DLG2: variants seen among roughly 807,000 people sequenced by gnomAD.
DLG2 encodes discs large MAGUK scaffold protein 2.
In DLG2, 45 loss-of-function variants were observed where a neutral mutation model predicts 132.5. The ratio of observed to expected loss-of-function variants is 0.34; its 90% CI spans 0.27 to 0.44. The LOEUF is 0.44. DLG2 is among the 20% of genes least tolerant of loss of function. The pLI is 1.00. For synonymous variants in DLG2, 424 were observed against 419.6 expected (o/e 1.01, Z -0.13); for missense variants, 1,045 against 1,196.9 (o/e 0.87, Z 1.87).
intron 6 of DLG2, among the ~76,000 whole-genome samples, chr11:84,737,096 G>T (rs978067013): frequency 6.6e-6 from 1 of 151,790 alleles, no homozygotes; most frequent in African/African-American, 2.4e-5. Flanking sequence ...GTTAGGAATA[G>T]ATATTGATTT....
intron 6 of DLG2, among the ~76,000 whole-genome samples, chr11:84,861,359 C>T (rs1451499610): frequency 6.6e-6 from 1 of 152,028 alleles, no homozygotes; most frequent in Non-Finnish European, 1.5e-5. Context: ...CAGATCCAAC[C>T]TCTGCCTCCA....
At chr11:83,516,983 A>T (rs1044150827) in intron 21 of DLG2, among the ~76,000 whole-genome samples, 2 of 152,052 alleles carry the variant, frequency 1.3e-5, no homozygotes, top group South Asian at 4.2e-4. Flanking sequence ...AACTTTGGTG[A>T]ATCTGACAAT....
chr11:84,829,527 G>C (rs1267131288), intron 6 of DLG2, among the ~76,000 whole-genome samples: 1 of 151,686 alleles, frequency 6.6e-6, no homozygotes, highest in African/African-American at 2.4e-5. Context: ...GATATGGAAA[G>C]GCAGCGTAGT....
intron 7 of DLG2, among the ~76,000 whole-genome samples, chr11:84,444,751 C>A (rs898504809): frequency 1.3e-5 from 2 of 150,974 alleles, no homozygotes; most frequent in South Asian, 4.2e-4. Flanking sequence ...TAAATTTGTA[C>A]AATAGAGCAC....
chr11:83,686,543 G>A (rs2079810263), intron 18 of DLG2, among the ~76,000 whole-genome samples: 2 of 151,932 alleles, frequency 1.3e-5, no homozygotes. Context: ...CACCAGAACA[G>A]GACTTGCCAC....
At chr11:84,633,943 G>A (rs2099636364) in intron 6 of DLG2, among the ~76,000 whole-genome samples, 1 of 152,106 alleles carries the variant, frequency 6.6e-6, no homozygotes, top group African/African-American at 2.4e-5. Flanking sequence ...CTGCCTCACT[G>A]CAATAACTGG....
intron 4 of DLG2, among the ~76,000 whole-genome samples, chr11:85,264,433 A>G (rs1326173910): frequency 6.6e-6 from 1 of 152,150 alleles, no homozygotes; most frequent in Admixed American, 6.5e-5. Context: ...CCTTCTTCTC[A>G]CCATCAAAAC....
At chr11:83,735,348 G>A (rs565129980) in intron 18 of DLG2, among the ~76,000 whole-genome samples, 63 of 152,292 alleles carry the variant, frequency 4.1e-4, no homozygotes, top group Middle Eastern at 3.4e-3. Context: ...GGAAGACTAG[G>A]TCACACAGCT....
At chr11:85,100,481 T>A (rs189571712) in intron 6 of DLG2, among the ~76,000 whole-genome samples, 1 of 152,252 alleles carries the variant, frequency 6.6e-6, no homozygotes, top group East Asian at 1.9e-4. Flanking sequence ...TTTAACAAGG[T>A]CTGCTTGACT....
intron 10 of DLG2, among the ~76,000 whole-genome samples, chr11:84,091,910 T>C (rs1236116378): frequency 6.6e-6 from 1 of 152,172 alleles, no homozygotes; most frequent in Admixed American, 6.5e-5. Context: ...GCCTGGGGAC[T>C]TACTTAGTAC....
intron 9 of DLG2, among the ~76,000 whole-genome samples, chr11:84,124,464 A>G (rs1352794938): frequency 2.0e-5 from 3 of 152,216 alleles, no homozygotes; most frequent in Admixed American, 2.0e-4. Context: ...TATTTGTTGA[A>G]TATTTACCTC....
rs1461545340 is a variant in DLG2 at position 84,153,187 on chromosome 11, A to G, written c.624+10274T>C. Reference sequence around the variant, plus strand: ...GACCCTCAATCTCTTCTGGCTTGTAAGGTTTCTGCTGAGAAGTCTGCTGTT... The same window carrying G: ...GACCCTCAATCTCTTCTGGCTTGTAGGGTTTCTGCTGAGAAGTCTGCTGTT... On this transcript the variant is annotated intron_variant, in intron 9 of 27. Transcript: ENST00000376104. 3.3e-5 allele frequency among the ~76,000 whole-genome samples: 5 copies of G among 152,148 alleles called. No individual in the cohort carries two copies. In the East Asian group the frequency reaches 9.7e-4, roughly 29 times the overall value.
intron 6 of DLG2, among the ~76,000 whole-genome samples, chr11:84,713,345 C>A (rs1208405837): frequency 6.6e-6 from 1 of 152,072 alleles, no homozygotes; most frequent in Non-Finnish European, 1.5e-5. Context: ...AACTACTATA[C>A]CCATCTCAAA....
At chr11:84,987,393 A>G (rs954657852) in intron 6 of DLG2, among the ~76,000 whole-genome samples, 4 of 152,130 alleles carry the variant, frequency 2.6e-5, no homozygotes, top group African/African-American at 9.7e-5. Flanking sequence ...TAACATCATC[A>G]TTCCTCACAG....
chr11:84,167,640 C>A (rs2095699905), intron 8 of DLG2, among the ~76,000 whole-genome samples: 1 of 151,824 alleles, frequency 6.6e-6, no homozygotes, highest in Non-Finnish European at 1.5e-5. Context: ...TTCATTAAGG[C>A]TAAGGATATA....
chr11:83,555,533 A>G (rs994249648), intron 19 of DLG2, among the ~76,000 whole-genome samples: 1 of 152,184 alleles, frequency 6.6e-6, no homozygotes, highest in African/African-American at 2.4e-5. Flanking sequence ...ACTTTGGCCA[A>G]TACCTATCTG....
intron 6 of DLG2, among the ~76,000 whole-genome samples, chr11:84,675,817 G>C (rs2099710631): frequency 6.6e-6 from 1 of 152,068 alleles, no homozygotes; most frequent in African/African-American, 2.4e-5. Flanking sequence ...CATTTGTCCA[G>C]GTTTCCCAAC....
At chr11:83,553,889 C>CTTTTTT (rs57434000) in intron 19 of DLG2, among the ~76,000 whole-genome samples, 3 of 142,888 alleles carry the variant, frequency 2.1e-5, no homozygotes, top group Non-Finnish European at 3.0e-5. Flanking sequence ...ACAATCTTTT[C>CTTTTTT]TTTTTTTTTC....
chr11:84,266,470 C>A (rs959656361), intron 7 of DLG2, among the ~76,000 whole-genome samples: 7 of 152,090 alleles, frequency 4.6e-5, no homozygotes, highest in South Asian at 2.1e-4. Context: ...CCATTAATAG[C>A]CTTGTTCATA....
Sources: gnomAD v4.1 joint callset for allele counts (sites outside exome capture counted in the v4.1 genomes callset) on GRCh38, gnomAD v4.1.1 for gene constraint, MANE v1.5 for transcripts, NCBI Gene and HGNC (gene_info 2026-07-23, HGNC 2026-07-21) for gene names.